SH3D19: variants seen among roughly 807,000 people sequenced by gnomAD.
SH3D19 encodes SH3 domain containing 19.
Under a neutral mutation model 112.1 loss-of-function variants are expected in SH3D19, and 58 were observed. That is an observed-to-expected ratio of 0.52 (90% CI 0.42 to 0.64). The LOEUF is 0.64. Among genes scored for constraint, SH3D19 ranks in the 30% least tolerant of loss-of-function variants. SH3D19 has a pLI of 0.00. For missense variants in SH3D19, 1,090 were observed against 1,263.4 expected (o/e 0.86, Z 2.08); for synonymous variants, 391 against 448.5 (o/e 0.87, Z 1.62).
At chr4:151,199,477 G>A (rs1764076120) in intron 2 of SH3D19, among the ~76,000 whole-genome samples, 1 of 152,084 alleles carries the variant, frequency 6.6e-6, no homozygotes, top group Non-Finnish European at 1.5e-5. Context: ...TAATATTGTG[G>A]GTGGACAGAG....
chr4:151,140,082 T>C, intron 12 of SH3D19: 1 of 447,832 alleles, frequency 2.2e-6, no homozygotes, highest in South Asian at 3.6e-5. Context: ...CCCAGTATGT[T>C]TTCTTTTTGC....
At chr4:151,180,353 T>C (rs934453296) in intron 3 of SH3D19, among the ~76,000 whole-genome samples, 2 of 151,998 alleles carry the variant, frequency 1.3e-5, no homozygotes, top group Non-Finnish European at 2.9e-5. Context: ...TTTTATAAAG[T>C]AAACTAAGTT....
chr4:151,272,768 T>C (rs996897529), intron 1 of SH3D19, among the ~76,000 whole-genome samples: 1 of 152,002 alleles, frequency 6.6e-6, no homozygotes, highest in African/African-American at 2.4e-5. Context: ...CTTTTCTTTT[T>C]TTTTTTTTAA....
At chr4:151,125,845 CAAAA>C (rs66688611) in intron 19 of SH3D19, among the ~76,000 whole-genome samples, 17 of 94,220 alleles carry the variant, frequency 1.8e-4, no homozygotes, top group Admixed American at 2.8e-4. Flanking sequence ...ATCTCAAAAA[CAAAA>C]AAAAAAAAAA....
chr4:151,167,176 CA>C lies in SH3D19; in HGVS notation c.1535-1481del, dbSNP rs1160232994. On this transcript the variant is annotated intron_variant, in intron 7 of 19. Transcript: ENST00000604030. ...ATTATCAAAAGAATGTCATCAAACT[CA>C]AAAAAAAACTACTATATTAATAATA... Among the ~76,000 whole-genome samples the C allele has an allele frequency of 1.3e-4, 20 of 150,514 alleles. No homozygotes were observed. The East Asian group carries it at 2.3e-3, about 18-fold the overall frequency.
At chr4:151,278,051 A>G (rs1008039650) in intron 1 of SH3D19, among the ~76,000 whole-genome samples, 8 of 152,150 alleles carry the variant, frequency 5.3e-5, no homozygotes, top group Admixed American at 6.6e-5. Context: ...CCCAAAAAAC[A>G]GAAAGGGTAT....
chr4:151,288,643 T>A (rs1775046891), intron 1 of SH3D19, among the ~76,000 whole-genome samples: 1 of 150,896 alleles, frequency 6.6e-6, no homozygotes, highest in Non-Finnish European at 1.5e-5. Context: ...CACTCCAGCC[T>A]GGGCGGGGCA....
intron 1 of SH3D19, among the ~76,000 whole-genome samples, chr4:151,257,056 C>A (rs951969446): frequency 2.0e-5 from 3 of 151,374 alleles, no homozygotes; most frequent in African/African-American, 7.3e-5. Flanking sequence ...TAGTTAATTT[C>A]TTTTCTTCTT....
At position 151,262,221 on chromosome 4, in the gene SH3D19, T is replaced by C. The variant is rs1772430520; in HGVS notation, c.113-36135A>G. On this transcript the variant is annotated intron_variant, in intron 1 of 19. Transcript: ENST00000604030. ...TAACATGGGGCAGAATATTTGAAATTAGAGCTTTATCTGAAAATCAAAGGC... is the reference window on the plus strand; with the variant it reads ...TAACATGGGGCAGAATATTTGAAATCAGAGCTTTATCTGAAAATCAAAGGC... 2.0e-5 allele frequency: 3 copies of C among 152,136 alleles called. No homozygotes were observed. In the South Asian group the frequency reaches 6.2e-4, roughly 32 times the overall value. The allele number at this position is 152,136 out of a possible 1,614,324, so 9.4% of individuals were successfully genotyped here.
chr4:151,260,580 T>C (rs932316284), intron 1 of SH3D19, among the ~76,000 whole-genome samples: 1 of 152,230 alleles, frequency 6.6e-6, no homozygotes, highest in Admixed American at 6.5e-5. Context: ...TTTTACTACC[T>C]TCAATACACA....
intron 1 of SH3D19, chr4:151,279,667 G>A (rs1773994086): frequency 2.5e-6 from 2 of 794,702 alleles, no homozygotes; most frequent in Non-Finnish European, 4.0e-6. Flanking sequence ...ACCAGAATAG[G>A]ATGGAGTATG....
chr4:151,230,253 C>A (rs1272545711), intron 1 of SH3D19, among the ~76,000 whole-genome samples: 1 of 152,218 alleles, frequency 6.6e-6, no homozygotes, highest in East Asian at 1.9e-4. Flanking sequence ...TACGCAGATC[C>A]TACTGATGTG....
At position 151,228,492 on chromosome 4, in the gene SH3D19, G is replaced by A. The variant is rs150266966; in HGVS notation, c.113-2406C>T. On this transcript the variant is annotated intron_variant, in intron 1 of 19. Transcript: ENST00000604030. ...ATATAAATAATGGGGTGTGTGTTGC[G>A]TATCTGTGTGTCTTATATACTTATA... Among the ~76,000 whole-genome samples the A allele has an allele frequency of 1.3e-3, 199 of 151,454 alleles. 2 individuals are homozygous for A. In the East Asian group the frequency reaches 0.033, roughly 25 times the overall value.
intron 1 of SH3D19, among the ~76,000 whole-genome samples, chr4:151,237,159 C>T (rs1364685513): frequency 2.6e-5 from 4 of 152,104 alleles, no homozygotes; most frequent in Non-Finnish European, 4.4e-5. Context: ...ACGAACCCAG[C>T]GGAAGGAATG....
chr4:151,159,721 GTCTTAAA>G (rs1213548200), intron 8 of SH3D19, among the ~76,000 whole-genome samples: 3 of 152,100 alleles, frequency 2.0e-5, no homozygotes, highest in African/African-American at 7.2e-5. Context: ...TGATGATTTA[GTCTTAAA>G]TCTTAATTAA....
chr4:151,133,365 G>T, intron 15 of SH3D19, 129 bp from the exon 16 acceptor site: 1 of 728,796 alleles, frequency 1.4e-6, no homozygotes, highest in Non-Finnish European at 2.2e-6. Context: ...AGGCTAATTT[G>T]AAATTATTCC....
chr4:151,325,257 C>G lies in SH3D19; in HGVS notation c.96G>C (p.Ser32=), dbSNP rs1451759046. Residue 32 remains serine (S), a synonymous_variant, in exon 1 of 20, where the codon TCG becomes TCC. Transcript: ENST00000604030. ...GCCTCTCACCTGCGGCCGAGTGGCC[C>G]GAGAGCGCACGGCCCCGGGCGCGGC... ...GQRRARGRAL[S]GHSAADRNER... The G allele has an allele frequency of 5.7e-6, 7 of 1,221,644 alleles. No homozygotes were observed. In the South Asian group the frequency reaches 2.5e-4, roughly 43 times the overall value. The allele number at this position is 1,221,644 out of a possible 1,614,324, so 75.7% of individuals were successfully genotyped here. A position where few individuals can be genotyped will look rare whatever the true frequency, so the allele number is the denominator to read the frequency against.
intron 17 of SH3D19, among the ~76,000 whole-genome samples, chr4:151,130,221 C>T (rs990921523): frequency 1.3e-5 from 2 of 152,104 alleles, no homozygotes; most frequent in South Asian, 2.1e-4. Context: ...GCAGGTGGAG[C>T]GCTTGAGCCC....
intron 2 of SH3D19, 42 bp from the exon 3 acceptor site, chr4:151,187,505 T>C (rs768731676): frequency 1.4e-5 from 17 of 1,172,704 alleles, no homozygotes; most frequent in Non-Finnish European, 1.8e-5. Flanking sequence ...CATTAATCCT[T>C]TTTGAAAAGA....
Sources: allele counts gnomAD v4.1 joint callset (sites outside exome capture counted in the v4.1 genomes callset), GRCh38; gene constraint gnomAD v4.1.1; transcripts MANE v1.5; gene names NCBI Gene and HGNC (gene_info 2026-07-23, HGNC 2026-07-21).